TSNARE1: variants seen among roughly 807,000 people sequenced by gnomAD.
TSNARE1 encodes the protein t-SNARE domain containing 1, also known as t-SNARE domain-containing protein 1.
In TSNARE1, 49 loss-of-function variants were observed where a neutral mutation model predicts 62.0. The observed-to-expected ratio is 0.79, with a 90% CI of 0.63 to 1.00. TSNARE1 has a LOEUF of 1.00. Among genes scored for constraint, TSNARE1 ranks in the 50% least tolerant of loss-of-function variants. TSNARE1 has a pLI of 0.00. For synonymous variants in TSNARE1, 328 were observed against 294.4 expected, an observed-to-expected ratio of 1.11 and a Z score of -1.17; for missense variants, 755 against 700.1, an observed-to-expected ratio of 1.08 and a Z score of -0.88.
chr8:142,265,470 T>C (rs538143890), intron 12 of TSNARE1, among the ~76,000 whole-genome samples: 1 of 152,330 alleles, frequency 6.6e-6, no homozygotes, highest in Non-Finnish European at 1.5e-5. Context: ...TGTGTGGCCG[T>C]GGCAGTCTGT....
Position 142,343,962 on chromosome 8 carries a change from T to C in TSNARE1, c.745+4A>G. 6.6e-7 allele frequency: 1 copy of C among 1,515,486 alleles called. No homozygotes were observed. Among genetic ancestry groups the C allele is most frequent in the Non-Finnish European group, 8.8e-7 (1 of 1,131,934 alleles). The allele number at this position is 1,515,486 out of a possible 1,614,324, so 93.9% of individuals were successfully genotyped here. The stretch of plus-strand genomic sequence containing the variant: ...TAGCAAGGTGAGCTGAGCAAGGAAC[T>C]CACCTCTGGGCGGCTCCAGACTGAA... On this transcript the variant is annotated splice_donor_region_variant and intron_variant, in intron 4 of 13. Coordinates refer to ENST00000524325, the MANE Select transcript of TSNARE1 (RefSeq NM_145003.5).
chr8:142,351,039 T>C (rs1341396873), intron 2 of TSNARE1, among the ~76,000 whole-genome samples: 3 of 151,832 alleles, frequency 2.0e-5, no homozygotes, highest in Non-Finnish European at 4.4e-5. Flanking sequence ...ATAAAAGGAG[T>C]CCTTCTCTTT....
At chr8:142,230,447 A>G (rs1451648108) in intron 12 of TSNARE1, among the ~76,000 whole-genome samples, 1 of 152,198 alleles carries the variant, frequency 6.6e-6, no homozygotes, top group East Asian at 1.9e-4. Flanking sequence ...AGAGCAGGAG[A>G]GTGACATGTT....
intron 4 of TSNARE1, among the ~76,000 whole-genome samples, chr8:142,338,855 C>T (rs1832141536): frequency 6.6e-6 from 1 of 152,184 alleles, no homozygotes; most frequent in African/African-American, 2.4e-5. Context: ...TATGCAGTGG[C>T]CCCAGGGAAG....
At chr8:142,256,073 TCACCAC>T (rs753492642) in intron 12 of TSNARE1, among the ~76,000 whole-genome samples, 28,915 of 54,408 alleles carry the variant, frequency 0.53, 8,747 homozygotes, top group Non-Finnish European at 0.64. Context: ...ACCATCACCA[TCACCAC>T]CACCACCACC....
intron 11 of TSNARE1, among the ~76,000 whole-genome samples, chr8:142,281,916 T>A (rs34853464): frequency 3.0e-4 from 45 of 151,870 alleles, no homozygotes; most frequent in Non-Finnish European, 2.9e-5. Flanking sequence ...CCTTGATGGG[T>A]GGCCTCCAGC....
chr8:142,392,425 G>T (rs879638537), intron 1 of TSNARE1, among the ~76,000 whole-genome samples: 1 of 152,148 alleles, frequency 6.6e-6, no homozygotes, highest in Non-Finnish European at 1.5e-5. Context: ...CTTACGTAGC[G>T]TATGTGCTGA....
At chr8:142,311,528 C>CT (rs747839126) in intron 9 of TSNARE1, among the ~76,000 whole-genome samples, 1 of 151,906 alleles carries the variant, frequency 6.6e-6, no homozygotes, top group Non-Finnish European at 1.5e-5. Context: ...AACTCCCAAC[C>CT]TCAGGTGATC....
chr8:142,232,250 T>G (rs1817154603), intron 12 of TSNARE1, among the ~76,000 whole-genome samples: 1 of 152,148 alleles, frequency 6.6e-6, no homozygotes, highest in African/African-American at 2.4e-5. Context: ...TGGGCCTCTA[T>G]CCACACACCC....
Position 142,268,233 on chromosome 8 carries a change from G to T in TSNARE1, c.1446+6548C>A, listed in dbSNP as rs552920205. 2.0e-5 allele frequency among the ~76,000 whole-genome samples: 3 copies of T among 152,316 alleles called. No individual in the cohort carries two copies. In the East Asian group the frequency reaches 5.8e-4, roughly 29 times the overall value. On this transcript the variant is annotated intron_variant, in intron 12 of 13. Coordinates refer to ENST00000524325, the MANE Select transcript of TSNARE1 (RefSeq NM_145003.5). ...TGGCCATGCTCCTGCCTGGCCTCTC[G>T]GCATCTGAGCAGCTCTCAGGAAACT...
intron 12 of TSNARE1, among the ~76,000 whole-genome samples, chr8:142,261,021 C>CAGG (rs1563786746): frequency 3.9e-3 from 4 of 1,028 alleles, no homozygotes; most frequent in African/African-American, 0.01. Flanking sequence ...GGAGAGGAGA[C>CAGG]AGGGAGGAGA....
At chr8:142,353,648 T>TG (rs1264069334) in intron 2 of TSNARE1, among the ~76,000 whole-genome samples, 2 of 152,116 alleles carry the variant, frequency 1.3e-5, no homozygotes, top group African/African-American at 4.8e-5. Flanking sequence ...TCCAGGGCAC[T>TG]GGGGGCTGCC....
chr8:142,331,869 A>C, intron 4 of TSNARE1, 38 bp from the exon 5 acceptor site: 1 of 1,567,322 alleles, frequency 6.4e-7, no homozygotes. Flanking sequence ...ACACAGGCTA[A>C]GGGTGAAGCC....
intron 12 of TSNARE1, among the ~76,000 whole-genome samples, chr8:142,251,827 T>C (rs1818182857): frequency 7.1e-6 from 1 of 141,646 alleles, no homozygotes; most frequent in Non-Finnish European, 1.5e-5. Flanking sequence ...GCCACCCGCG[T>C]TCTCTATCTG....
At chr8:142,404,031 A>G (rs1271177663), upstream of TSNARE1, 1 of 152,268 alleles carries the variant, frequency 6.6e-6, no homozygotes, top group Non-Finnish European at 1.5e-5. Context: ...CACCCAAGGC[A>G]GGAGAGCAAG....
At chr8:142,219,872 T>C (rs1378779061) in intron 13 of TSNARE1, among the ~76,000 whole-genome samples, 1 of 152,208 alleles carries the variant, frequency 6.6e-6, no homozygotes, top group African/African-American at 2.4e-5. Context: ...TGCTGTGTGT[T>C]TGCTCCAGCC....
chr8:142,304,248 G>A (rs1476145591), intron 9 of TSNARE1, among the ~76,000 whole-genome samples: 3 of 152,182 alleles, frequency 2.0e-5, no homozygotes, highest in Non-Finnish European at 2.9e-5. Context: ...CCAGGGAGGC[G>A]CTGGCCTCGC....
intron 4 of TSNARE1, among the ~76,000 whole-genome samples, chr8:142,336,091 T>A (rs1217472855): frequency 6.6e-6 from 1 of 152,106 alleles, no homozygotes; most frequent in African/African-American, 2.4e-5. Context: ...AAGATCAGCC[T>A]GGGCCACACA....
intron 12 of TSNARE1, among the ~76,000 whole-genome samples, chr8:142,245,916 A>G (rs1817865759): frequency 6.6e-6 from 1 of 152,204 alleles, no homozygotes; most frequent in African/African-American, 2.4e-5. Flanking sequence ...TCATGCAACA[A>G]CAATACTGAG....
Sources: gnomAD v4.1 joint callset for allele counts (sites outside exome capture counted in the v4.1 genomes callset) on GRCh38, gnomAD v4.1.1 for gene constraint, MANE v1.5 for transcripts, NCBI Gene and HGNC (gene_info 2026-07-23, HGNC 2026-07-21) for gene names.